The following TSGA10 variants were observed in gnomAD, a reference collection of about 807,000 sequenced individuals.
TSGA10 encodes testis-specific gene 10 protein.
In TSGA10, 43 loss-of-function variants were observed where a neutral mutation model predicts 96.6. That is an observed-to-expected ratio of 0.44 (90% CI 0.35 to 0.57). The LOEUF is 0.57. Among genes scored for constraint, TSGA10 ranks in the 20% least tolerant of loss-of-function variants. The pLI, the probability that TSGA10 is intolerant of heterozygous loss-of-function variation, is 0.01. For synonymous variants in TSGA10, 229 were observed against 269.9 expected, an observed-to-expected ratio of 0.85 and a Z score of 1.48; for missense variants, 703 against 834.4, an observed-to-expected ratio of 0.84 and a Z score of 1.94.
At chr2:99,085,264 T>G (rs1407323586) in intron 10 of TSGA10, among the ~76,000 whole-genome samples, 1 of 151,392 alleles carries the variant, frequency 6.6e-6, no homozygotes, top group African/African-American at 2.4e-5. Flanking sequence ...ATTAATTAAT[T>G]AATTTAAAAA....
chr2:99,140,960 C>A, intron 1 of TSGA10: 2 of 638,780 alleles, frequency 3.1e-6, no homozygotes, highest in South Asian at 2.1e-5. Flanking sequence ...CCGCTGCTAG[C>A]GCCCAACTCC....
chr2:99,001,156 G>A (rs1487937922), intron 20 of TSGA10, among the ~76,000 whole-genome samples: 6 of 152,286 alleles, frequency 3.9e-5, no homozygotes, highest in East Asian at 1.9e-4. Context: ...ATCTGAGAAC[G>A]GACAGACTGC....
intron 16 of TSGA10, among the ~76,000 whole-genome samples, chr2:99,035,706 C>G (rs768992375): frequency 7.9e-5 from 12 of 151,276 alleles, no homozygotes; most frequent in African/African-American, 2.9e-4. Context: ...ACCTTTCCCA[C>G]TTAAAAGTCT....
chr2:99,070,107 T>C (rs962383521), intron 14 of TSGA10, among the ~76,000 whole-genome samples: 2 of 152,202 alleles, frequency 1.3e-5, no homozygotes, highest in African/African-American at 2.4e-5. Flanking sequence ...TTTGAGCATA[T>C]GTAAATTGTT....
intron 10 of TSGA10, among the ~76,000 whole-genome samples, chr2:99,084,176 T>C (rs2087939934): frequency 6.6e-6 from 1 of 152,240 alleles, no homozygotes. Context: ...AACATCACTA[T>C]TGTTTTTTAA....
intron 20 of TSGA10, among the ~76,000 whole-genome samples, chr2:99,008,491 A>T (rs962789200): frequency 6.6e-6 from 1 of 152,240 alleles, no homozygotes; most frequent in African/African-American, 2.4e-5. Context: ...ACACTGAAAT[A>T]CCATTTCTCA....
intron 17 of TSGA10, among the ~76,000 whole-genome samples, chr2:99,029,569 C>G (rs2080953219): frequency 4.6e-5 from 7 of 152,102 alleles, no homozygotes; most frequent in Admixed American, 4.6e-4. Context: ...TGAATGATCT[C>G]AGGGATGGAA....
intron 1 of TSGA10, among the ~76,000 whole-genome samples, chr2:99,128,948 A>G (rs1043700122): frequency 3.9e-5 from 6 of 152,278 alleles, no homozygotes; most frequent in Non-Finnish European, 7.3e-5. Flanking sequence ...GGGTCTCCCT[A>G]TGCTGCCCTG....
intron 10 of TSGA10, among the ~76,000 whole-genome samples, chr2:99,087,741 CA>C (rs923778312): frequency 6.6e-6 from 1 of 151,720 alleles, no homozygotes; most frequent in Non-Finnish European, 1.5e-5. Flanking sequence ...CAATTACAAG[CA>C]AAAAACAAGC....
intron 14 of TSGA10, among the ~76,000 whole-genome samples, chr2:99,069,585 GC>G (rs1414425310): frequency 6.6e-6 from 1 of 151,424 alleles, no homozygotes; most frequent in Non-Finnish European, 1.5e-5. Flanking sequence ...GATCACTTGA[GC>G]CTAAGAGTTT....
At chr2:99,031,071 C>T (rs931803609) in intron 17 of TSGA10, among the ~76,000 whole-genome samples, 1 of 150,856 alleles carries the variant, frequency 6.6e-6, no homozygotes, top group African/African-American at 2.4e-5. Flanking sequence ...GCAGATGAAC[C>T]TAAATTAAAG....
chr2:99,045,482 C>T (rs6721372), intron 16 of TSGA10, among the ~76,000 whole-genome samples: 65,977 of 151,870 alleles, frequency 0.43, 16,997 homozygotes, highest in African/African-American at 0.72. Flanking sequence ...CCAGCCAAAC[C>T]AAGCTTCAAA....
rs751292541 is a variant in TSGA10, at chr2:99,081,333, A to G, written c.676T>C (p.Tyr226His). ...TTCTCCTGAGTAAGCTGTAGCTCATATTTTTTCTTAGCAAGGTGTCGCTGA... is the reference window on the plus strand; with the variant it reads ...TTCTCCTGAGTAAGCTGTAGCTCATGTTTTTTCTTAGCAAGGTGTCGCTGA... The part of the protein sequence containing the change: ...DTQRHLAKKK[Y>H]ELQLTQEKIM... The change falls in exon 11 of 21, where the codon TAT (tyrosine) becomes CAT (histidine). Residue 226 changes from tyrosine (Y) to histidine (H), a missense_variant. Tyr to His is a moderately conservative substitution (Grantham distance 83). Coordinates refer to ENST00000393483, the MANE Select transcript of TSGA10 (RefSeq NM_025244.4). The G allele has an allele frequency of 3.1e-6, 5 of 1,598,226 alleles. No individual in the cohort carries two copies. Among genetic ancestry groups the G allele is most frequent in the East Asian group, 2.2e-5 (1 of 44,514 alleles).
At chr2:99,034,593 A>G (rs970765640) in intron 17 of TSGA10, among the ~76,000 whole-genome samples, 5 of 152,048 alleles carry the variant, frequency 3.3e-5, no homozygotes, top group African/African-American at 1.2e-4. Context: ...TATTCACTCC[A>G]TACCCTTGTC....
intron 17 of TSGA10, among the ~76,000 whole-genome samples, chr2:99,020,882 T>TAATC (rs1184468710): frequency 2.0e-5 from 3 of 151,162 alleles, no homozygotes; most frequent in African/African-American, 7.3e-5. Flanking sequence ...ATATAAGGAG[T>TAATC]AATCTCTTAT....
chr2:99,096,541 C>T (rs1426177508), intron 10 of TSGA10, among the ~76,000 whole-genome samples: 1 of 152,228 alleles, frequency 6.6e-6, no homozygotes, highest in Admixed American at 6.5e-5. Flanking sequence ...GCAGTGTCAA[C>T]ATTTCCATGA....
chr2:99,088,138 A>G (rs2088794409), intron 10 of TSGA10, among the ~76,000 whole-genome samples: 1 of 152,166 alleles, frequency 6.6e-6, no homozygotes, highest in Admixed American at 6.5e-5. Context: ...GGATAGCCCA[A>G]AGCTAGTACA....
intron 10 of TSGA10, among the ~76,000 whole-genome samples, chr2:99,097,931 AAT>A (rs1389367437): frequency 1.3e-5 from 2 of 152,196 alleles, no homozygotes; most frequent in African/African-American, 2.4e-5. Flanking sequence ...AGAGGTAAGA[AAT>A]ATGAGTAGAG....
intron 17 of TSGA10, among the ~76,000 whole-genome samples, chr2:99,026,073 G>C (rs1022189062): frequency 6.6e-6 from 1 of 152,190 alleles, no homozygotes; most frequent in African/African-American, 2.4e-5. Flanking sequence ...TTTTGGAAGA[G>C]TGTTTTATAA....
Sources: gnomAD v4.1 joint callset for allele counts (sites outside exome capture counted in the v4.1 genomes callset) on GRCh38, gnomAD v4.1.1 for gene constraint, MANE v1.5 for transcripts, NCBI Gene and HGNC (gene_info 2026-07-23, HGNC 2026-07-21) for gene names.